The following ANAPC13 variants were observed in gnomAD, a reference collection of about 807,000 sequenced individuals.
The protein encoded by ANAPC13 is anaphase promoting complex subunit 13, also known as anaphase-promoting complex subunit 13.
A neutral mutation model predicts 9.6 loss-of-function variants in ANAPC13; 9 were observed. The observed-to-expected ratio is 0.94, with a 90% CI of 0.57 to 1.64. The LOEUF is 1.64. Ranked by LOEUF, ANAPC13 falls within the 40% of genes most tolerant of loss-of-function variation. ANAPC13 has a pLI of 0.00. For synonymous variants in ANAPC13, 30 were observed against 29.7 expected, an observed-to-expected ratio of 1.01 and a Z score of -0.03; for missense variants, 75 against 85.3, an observed-to-expected ratio of 0.88 and a Z score of 0.48.
In ANAPC13 at chr3:134,478,709, G is replaced by A. The variant is rs1934666749; in HGVS notation, c.106C>T (p.Leu36Phe). Residue 36 changes from leucine to phenylalanine, a missense_variant, in exon 3 of 3, where the codon CTT (leucine) becomes TTT (phenylalanine). Leu to Phe is a conservative substitution (Grantham distance 22, BLOSUM62 0). Coordinates refer to ENST00000354910, the MANE Select transcript of ANAPC13 (RefSeq NM_015391.4). ...YEDVAIPLNE[L>F]PEPEQDNGGT... Reference sequence around the variant, plus strand: ...CCATTGTCTTGTTCAGGTTCAGGAAGCTCATTCTGAAAAGGTACAATAGAA... The same window carrying A: ...CCATTGTCTTGTTCAGGTTCAGGAAACTCATTCTGAAAAGGTACAATAGAA... 5 of 1,613,616 alleles carry A rather than the reference G, an allele frequency of 3.1e-6. No homozygotes were observed. The highest frequency in any genetic ancestry group is 4.2e-6 in the Non-Finnish European group (5 of 1,179,904).
chr3:134,485,991 G>GCGGGCCCCCC, upstream of ANAPC13: 1 of 938,170 alleles, frequency 1.1e-6, no homozygotes, highest in Non-Finnish European at 1.3e-6. Context: ...CTCCTGCCAC[G>GCGGGCCCCCC]CCCCCCCCCC....
At chr3:134,482,756 AC>A in intron 2 of ANAPC13, 49 bp downstream of exon 2, 1 of 1,414,466 alleles carries the variant, frequency 7.1e-7, no homozygotes. Context: ...TCCACTAGTT[AC>A]TGCCAGATCA....
intron 2 of ANAPC13, among the ~76,000 whole-genome samples, chr3:134,481,749 T>C (rs1230286734): frequency 6.6e-6 from 1 of 152,196 alleles, no homozygotes; most frequent in Non-Finnish European, 1.5e-5. Context: ...TAGGTATATG[T>C]TATATGAAGC....
chr3:134,479,806 C>CATGG (rs1349040320), intron 2 of ANAPC13, among the ~76,000 whole-genome samples: 1 of 152,188 alleles, frequency 6.6e-6, no homozygotes, highest in African/African-American at 2.4e-5. Flanking sequence ...AATGGTAAGT[C>CATGG]ATGGGCCACA....
At chr3:134,479,629 G>A (rs989922780) in intron 2 of ANAPC13, among the ~76,000 whole-genome samples, 9 of 152,124 alleles carry the variant, frequency 5.9e-5, no homozygotes, top group Admixed American at 3.9e-4. Context: ...GATTACAGGC[G>A]CGAGCCACCG....
chr3:134,483,017 TG>T, intron 1 of ANAPC13, 86 bp from the exon 2 acceptor site: 1 of 893,376 alleles, frequency 1.1e-6, no homozygotes, highest in Non-Finnish European at 1.8e-6. Context: ...CTTTTTAGTC[TG>T]GGGCCACCTT....
intron 1 of ANAPC13, among the ~76,000 whole-genome samples, chr3:134,483,844 G>A (rs527586399): frequency 2.6e-5 from 4 of 152,224 alleles, no homozygotes; most frequent in Admixed American, 1.3e-4. Flanking sequence ...TGGGGTGGTG[G>A]AGCGGGGTGG....
At chr3:134,482,172 T>C (rs4974482) in intron 2 of ANAPC13, among the ~76,000 whole-genome samples, 42,261 of 152,156 alleles carry the variant, frequency 0.28, 7,269 homozygotes, top group East Asian at 0.51. Context: ...AAAACAGTCC[T>C]GTTTTCCCTT....
rs772895377 is a variant in ANAPC13, at chr3:134,478,552, A to C, written c.*38T>G. 3.2e-5 allele frequency: 52 copies of C among 1,604,550 alleles called. No individual in the cohort carries two copies. Among genetic ancestry groups the C allele is most frequent in the African/African-American group, 9.4e-5 (7 of 74,266 alleles). On this transcript the variant is annotated 3_prime_UTR_variant, in exon 3 of 3. Transcript: ENST00000354910. ...GAAACAAACCATGCTTTATCTGTGT[A>C]CTTTGAGAAAATCCATCCACAAGAA...
chr3:134,479,440 C>A (rs1374445095), intron 2 of ANAPC13, among the ~76,000 whole-genome samples: 1 of 152,040 alleles, frequency 6.6e-6, no homozygotes, highest in African/African-American at 2.4e-5. Flanking sequence ...CGGGTTCAAG[C>A]GATTCTCCCG....
At chr3:134,484,945 T>A (rs1934964725) in intron 1 of ANAPC13, among the ~76,000 whole-genome samples, 1 of 152,236 alleles carries the variant, frequency 6.6e-6, no homozygotes, top group Non-Finnish European at 1.5e-5. Flanking sequence ...CTCCAACTGT[T>A]ACGTGTACAT....
chr3:134,481,685 CAAAT>C (rs1446936424), intron 2 of ANAPC13, among the ~76,000 whole-genome samples: 5 of 152,196 alleles, frequency 3.3e-5, no homozygotes, highest in Non-Finnish European at 5.9e-5. Flanking sequence ...AAATGCTTGT[CAAAT>C]GAATGAATGA....
chr3:134,478,052 C>T lies in ANAPC13; in HGVS notation c.*538G>A, dbSNP rs1934650501. On this transcript the variant is annotated 3_prime_UTR_variant, in exon 3 of 3. Coordinates refer to ENST00000354910, the MANE Select transcript of ANAPC13 (RefSeq NM_015391.4). ...CAGAGATTAACTGTCAGATATCTTT[C>T]TAATCTGTAAATTTATCCAAAGTTT... The T allele has an allele frequency of 6.6e-6, 1 of 152,288 alleles. No homozygotes were observed. The highest frequency in any genetic ancestry group is 2.1e-4 in the South Asian group (1 of 4,844). The allele number at this position is 152,288 out of a possible 1,614,324, so 9.4% of individuals were successfully genotyped here.
At chr3:134,484,705 G>A (rs1214586975) in intron 1 of ANAPC13, among the ~76,000 whole-genome samples, 2 of 152,164 alleles carry the variant, frequency 1.3e-5, no homozygotes, top group South Asian at 2.1e-4. Context: ...CTTTCCTGCT[G>A]CTACTCCTTT....
intron 2 of ANAPC13, among the ~76,000 whole-genome samples, chr3:134,479,162 C>G (rs1311073986): frequency 6.6e-6 from 1 of 152,180 alleles, no homozygotes; most frequent in Non-Finnish European, 1.5e-5. Flanking sequence ...AAGTGCTGAG[C>G]ACTCTGTGGG....
chr3:134,481,930 A>G (rs538402062), intron 2 of ANAPC13, among the ~76,000 whole-genome samples: 1 of 152,360 alleles, frequency 6.6e-6, no homozygotes, highest in South Asian at 2.1e-4. Flanking sequence ...AATGACATCT[A>G]TAATTCTTAT....
Position 134,478,615 on chromosome 3 carries a change from T to C in ANAPC13, c.200A>G (p.Glu67Gly). Residue 67 changes from glutamate to glycine, a missense_variant, in exon 3 of 3, where the codon GAG (glutamate) becomes GGG (glycine). Physicochemically the swap from Glu to Gly is moderately conservative, Grantham distance 98 (BLOSUM62 -2). Transcript: ENST00000354910. ...WTDLALQYLH[E>G]NVPPIGN is the part of the protein sequence containing the mutation. Reference sequence around the variant, plus strand: ...TCAGTTTCCAATGGGGGGAACATTCTCATGGAGGTACTGTAAGGCTAAGTC... The same window carrying C: ...TCAGTTTCCAATGGGGGGAACATTCCCATGGAGGTACTGTAAGGCTAAGTC... The C allele has an allele frequency of 3.1e-6, 5 of 1,613,992 alleles. No individual in the cohort carries two copies. Among genetic ancestry groups the C allele is most frequent in the Non-Finnish European group, 4.2e-6 (5 of 1,179,998 alleles).
At chr3:134,483,449 A>G (rs904684193) in intron 1 of ANAPC13, among the ~76,000 whole-genome samples, 4 of 152,212 alleles carry the variant, frequency 2.6e-5, no homozygotes, top group African/African-American at 7.2e-5. Flanking sequence ...GGTGAACACC[A>G]GTGGTAGAAC....
intron 1 of ANAPC13, chr3:134,483,175 G>A: frequency 2.3e-6 from 1 of 443,026 alleles, no homozygotes; most frequent in Non-Finnish European, 4.1e-6. Flanking sequence ...TGTGACAGGA[G>A]AGCAACACGT....
Sources: allele counts gnomAD v4.1 joint callset (sites outside exome capture counted in the v4.1 genomes callset), GRCh38; gene constraint gnomAD v4.1.1; transcripts MANE v1.5; gene names NCBI Gene and HGNC (gene_info 2026-07-23, HGNC 2026-07-21).